Variants in TYR observed in about 807,000 individuals in gnomAD.
The protein encoded by TYR is tyrosinase.
In TYR, 58 loss-of-function variants were observed where a neutral mutation model predicts 51.5. That is an observed-to-expected ratio of 1.13 (90% CI 0.91 to 1.40). The LOEUF is 1.40. Ranked by LOEUF, TYR falls within the 40% of genes most tolerant of loss-of-function variation. The probability of loss-of-function intolerance (pLI) is 0.00; values close to 1 mark genes in which losing one functional copy is unlikely to be tolerated. For missense variants in TYR, 732 were observed against 647.4 expected, an observed-to-expected ratio of 1.13 and a Z score of -1.42; for synonymous variants, 263 against 235.2, an observed-to-expected ratio of 1.12 and a Z score of -1.08.
At chr11:89,291,354 GC>G (rs1290926731) in intron 4 of TYR, among the ~76,000 whole-genome samples, 1 of 151,890 alleles carries the variant, frequency 6.6e-6, no homozygotes, top group Non-Finnish European at 1.5e-5. Context: ...TACTTATCTA[GC>G]CGTATTTTAT....
At chr11:89,272,636 C>G (rs908610874) in intron 3 of TYR, among the ~76,000 whole-genome samples, 3 of 151,906 alleles carry the variant, frequency 2.0e-5, no homozygotes, top group Admixed American at 6.6e-5. Flanking sequence ...TCCTTTGAAG[C>G]TTTAAAGCCA....
intron 2 of TYR, among the ~76,000 whole-genome samples, chr11:89,213,121 T>C (rs1435184438): frequency 2.0e-5 from 3 of 152,116 alleles, no homozygotes; most frequent in Non-Finnish European, 4.4e-5. Context: ...AAAAAGGATA[T>C]TGAAATAGGA....
intron 2 of TYR, among the ~76,000 whole-genome samples, chr11:89,195,613 A>T (rs2135256828): frequency 6.6e-6 from 1 of 152,242 alleles, no homozygotes; most frequent in Non-Finnish European, 1.5e-5. Context: ...CAGGAGGCAG[A>T]GGCTGCAGTG....
At chr11:89,209,272 A>G (rs2135267859) in intron 2 of TYR, among the ~76,000 whole-genome samples, 1 of 152,320 alleles carries the variant, frequency 6.6e-6, no homozygotes, top group East Asian at 1.9e-4. Flanking sequence ...TGCAACCAGC[A>G]GACCAGGAGA....
chr11:89,244,266 C>T (rs1209119094), intron 3 of TYR, among the ~76,000 whole-genome samples: 1 of 151,716 alleles, frequency 6.6e-6, no homozygotes, highest in African/African-American at 2.4e-5. Flanking sequence ...TCATATTTTA[C>T]AGAATTATCT....
At chr11:89,211,073 G>A (rs1438311141) in intron 2 of TYR, among the ~76,000 whole-genome samples, 1 of 152,112 alleles carries the variant, frequency 6.6e-6, no homozygotes, top group Non-Finnish European at 1.5e-5. Context: ...AAAATAACCA[G>A]TTAGCATCAT....
intron 2 of TYR, among the ~76,000 whole-genome samples, chr11:89,198,355 A>C (rs186199786): frequency 6.6e-6 from 1 of 152,192 alleles, no homozygotes; most frequent in African/African-American, 2.4e-5. Flanking sequence ...CTATTTCCCT[A>C]GTATCTTCCT....
intron 2 of TYR, among the ~76,000 whole-genome samples, chr11:89,197,813 T>C (rs1943542846): frequency 6.6e-6 from 1 of 152,114 alleles, no homozygotes; most frequent in African/African-American, 2.4e-5. Flanking sequence ...TAACAATTGG[T>C]CCTTGTTTTT....
intron 3 of TYR, among the ~76,000 whole-genome samples, chr11:89,274,762 C>T (rs1944632393): frequency 6.6e-6 from 1 of 151,802 alleles, no homozygotes; most frequent in African/African-American, 2.4e-5. Context: ...AGCCTTTGTG[C>T]TTGTGGAAAT....
At chr11:89,267,898 C>G (rs561308062) in intron 3 of TYR, among the ~76,000 whole-genome samples, 2 of 151,856 alleles carry the variant, frequency 1.3e-5, no homozygotes, top group Non-Finnish European at 2.9e-5. Context: ...AGGTTTGATT[C>G]CTACTGCTCC....
intron 1 of TYR, among the ~76,000 whole-genome samples, chr11:89,190,545 A>T (rs1015767526): frequency 1.3e-5 from 2 of 152,186 alleles, no homozygotes; most frequent in African/African-American, 2.4e-5. Flanking sequence ...CAAAAGACTC[A>T]AAAAGTTTTA....
intron 3 of TYR, among the ~76,000 whole-genome samples, chr11:89,269,374 T>A (rs190737799): frequency 6.6e-6 from 1 of 151,924 alleles, no homozygotes; most frequent in Non-Finnish European, 1.5e-5. Context: ...TTTATTTGAG[T>A]GCAATTTCTG....
Position 89,274,784 on chromosome 11 carries a change from C to T in TYR, c.1185-9989C>T, listed in dbSNP as rs16913085. ...GTGCTTGTGGAAATTGGACTTTCCC[C>T]TCTTTTGTGTTCATCTGGCAGGTTC... On this transcript the variant is annotated intron_variant, in intron 3 of 4. Coordinates refer to ENST00000263321, the MANE Select transcript of TYR (RefSeq NM_000372.5). Among the ~76,000 whole-genome samples the T allele has an allele frequency of 3.7e-3, 566 of 151,866 alleles. 1 individual carries two copies. Among genetic ancestry groups the T allele is most frequent in the African/African-American group, 0.013 (547 of 41,492 alleles).
At chr11:89,181,181 A>AT (rs1431998108) in intron 1 of TYR, among the ~76,000 whole-genome samples, 1 of 151,908 alleles carries the variant, frequency 6.6e-6, no homozygotes, top group Non-Finnish European at 1.5e-5. Flanking sequence ...CTCCCAGCTA[A>AT]TTTTTTGTAC....
At chr11:89,206,389 G>T (rs1292995081) in intron 2 of TYR, among the ~76,000 whole-genome samples, 1 of 152,058 alleles carries the variant, frequency 6.6e-6, no homozygotes, top group Non-Finnish European at 1.5e-5. Flanking sequence ...AACAATTATT[G>T]GAGTAAGAGA....
chr11:89,210,119 T>C (rs1035229359), intron 2 of TYR, among the ~76,000 whole-genome samples: 2 of 152,096 alleles, frequency 1.3e-5, no homozygotes, highest in Non-Finnish European at 1.5e-5. Context: ...GAGAATGAGT[T>C]TGACAAGTTG....
intron 3 of TYR, among the ~76,000 whole-genome samples, chr11:89,233,556 C>G (rs774896717): frequency 4.3e-5 from 6 of 140,638 alleles, no homozygotes; most frequent in Non-Finnish European, 7.6e-5. Flanking sequence ...AATATATAGC[C>G]TTACAAAATA....
intron 3 of TYR, among the ~76,000 whole-genome samples, chr11:89,274,046 T>A (rs1225528509): frequency 6.6e-6 from 1 of 151,872 alleles, no homozygotes; most frequent in East Asian, 1.9e-4. Flanking sequence ...AAATTTGAAT[T>A]TTACAGAGAC....
chr11:89,268,733 C>A (rs971482303), intron 3 of TYR, among the ~76,000 whole-genome samples: 4 of 151,932 alleles, frequency 2.6e-5, no homozygotes, highest in Non-Finnish European at 4.4e-5. Context: ...AGCCCAGACT[C>A]CCCACCCTGA....
Sources: gnomAD v4.1 joint callset for allele counts (sites outside exome capture counted in the v4.1 genomes callset) on GRCh38, gnomAD v4.1.1 for gene constraint, MANE v1.5 for transcripts, NCBI Gene and HGNC (gene_info 2026-07-23, HGNC 2026-07-21) for gene names.